Variants in DNAJC24 observed in about 807,000 individuals in gnomAD.
DNAJC24 encodes dnaJ homolog subfamily C member 24.
Under a neutral mutation model 18.0 loss-of-function variants are expected in DNAJC24, and 17 were observed. The ratio of observed to expected loss-of-function variants is 0.94; its 90% CI spans 0.65 to 1.42. The LOEUF (loss-of-function observed/expected upper bound fraction) is 1.42, where lower values mean the gene tolerates loss of function less well. Among genes scored for constraint, DNAJC24 ranks in the 40% most tolerant of loss-of-function variants. The pLI is 0.00. For missense variants in DNAJC24, 158 were observed against 175.6 expected (o/e 0.90, Z 0.57); for synonymous variants, 55 against 57.7 (o/e 0.95, Z 0.21).
intron 2 of DNAJC24, among the ~76,000 whole-genome samples, chr11:31,389,717 T>C (rs1247441725): frequency 6.6e-6 from 1 of 152,230 alleles, no homozygotes; most frequent in African/African-American, 2.4e-5. Flanking sequence ...AATATTCTTC[T>C]CATCAGCACA....
chr11:31,386,233 G>A (rs749592133), intron 2 of DNAJC24, among the ~76,000 whole-genome samples: 1 of 151,838 alleles, frequency 6.6e-6, no homozygotes, highest in Middle Eastern at 3.2e-3. Flanking sequence ...AGTTGACTTG[G>A]GGTCCACGTG....
chr11:31,418,489 T>A lies in DNAJC24; in HGVS notation c.250+3540T>A, dbSNP rs1952772572. The stretch of plus-strand genomic sequence containing the variant: ...CAGATCTCTGATGTCTTAGTGGCTC[T>A]ATACAGTGACACAGCTTATGAGTTA... On this transcript the variant is annotated intron_variant, in intron 3 of 4. Coordinates refer to ENST00000465995, the MANE Select transcript of DNAJC24 (RefSeq NM_181706.5). Among the ~76,000 whole-genome samples the A allele has an allele frequency of 2.0e-5, 3 of 152,232 alleles. No individual in the cohort carries two copies. The South Asian group carries it at 6.2e-4, about 32-fold the overall frequency.
intron 2 of DNAJC24, among the ~76,000 whole-genome samples, chr11:31,411,049 G>T (rs1952704027): frequency 6.6e-6 from 1 of 152,116 alleles, no homozygotes; most frequent in Non-Finnish European, 1.5e-5. Context: ...GGGATTAAAA[G>T]AAATTAAGGG....
intron 2 of DNAJC24, among the ~76,000 whole-genome samples, chr11:31,413,227 A>T (rs891478474): frequency 4.6e-5 from 7 of 152,106 alleles, no homozygotes; most frequent in Non-Finnish European, 7.3e-5. Context: ...AAGAGTAAGA[A>T]ATTAAAAAAA....
chr11:31,419,661 A>G, intron 3 of DNAJC24, among the ~76,000 whole-genome samples: 1 of 151,802 alleles, frequency 6.6e-6, no homozygotes, highest in Non-Finnish European at 1.5e-5. Context: ...TTTTTTTCCA[A>G]CTTTAACCAC....
chr11:31,408,741 A>G (rs903357949), intron 2 of DNAJC24, among the ~76,000 whole-genome samples: 4 of 152,180 alleles, frequency 2.6e-5, no homozygotes, highest in African/African-American at 9.6e-5. Context: ...CTTATTCTCA[A>G]TGAATGATAT....
intron 2 of DNAJC24, among the ~76,000 whole-genome samples, chr11:31,397,515 A>G (rs936102211): frequency 6.7e-6 from 1 of 150,044 alleles, no homozygotes; most frequent in Non-Finnish European, 1.5e-5. Flanking sequence ...ATCTTAATGC[A>G]GTGTCAAAGT....
chr11:31,429,142 T>A (rs1952893327), intron 4 of DNAJC24, among the ~76,000 whole-genome samples: 1 of 152,046 alleles, frequency 6.6e-6, no homozygotes, highest in Admixed American at 6.6e-5. Flanking sequence ...AAGATTAAAT[T>A]ATTTTTCTGT....
At chr11:31,377,825 T>C (rs1423999386) in intron 2 of DNAJC24, among the ~76,000 whole-genome samples, 5 of 152,140 alleles carry the variant, frequency 3.3e-5, no homozygotes. Flanking sequence ...TGGAAAATTA[T>C]ATGCTTCTGT....
At chr11:31,380,094 T>C (rs1952361854) in intron 2 of DNAJC24, among the ~76,000 whole-genome samples, 1 of 152,174 alleles carries the variant, frequency 6.6e-6, no homozygotes, top group Non-Finnish European at 1.5e-5. Context: ...AATAACTTTC[T>C]AATTATCATC....
intron 2 of DNAJC24, among the ~76,000 whole-genome samples, chr11:31,390,853 A>G (rs1329956347): frequency 1.3e-5 from 2 of 152,202 alleles, no homozygotes; most frequent in Non-Finnish European, 2.9e-5. Context: ...AAATACTTCA[A>G]AATTCGTTCT....
chr11:31,403,457 A>G (rs967439041), intron 2 of DNAJC24, among the ~76,000 whole-genome samples: 1 of 152,218 alleles, frequency 6.6e-6, no homozygotes, highest in Non-Finnish European at 1.5e-5. Flanking sequence ...GATTTGGCCT[A>G]GAAAGGCAGG....
intron 3 of DNAJC24, among the ~76,000 whole-genome samples, chr11:31,424,356 A>G (rs145843567): frequency 1.1e-3 from 171 of 152,292 alleles, no homozygotes; most frequent in African/African-American, 4.0e-3. Context: ...TTAAATGCCA[A>G]TTATTACCCC....
chr11:31,397,831 G>A (rs545099000), intron 2 of DNAJC24, among the ~76,000 whole-genome samples: 5 of 149,422 alleles, frequency 3.3e-5, no homozygotes, highest in Admixed American at 6.7e-5. Context: ...ATTTTCCCCC[G>A]AGATGGAGTC....
Position 31,426,232 on chromosome 11 carries a change from G to T in DNAJC24, c.251-55G>T. 4.3e-6 allele frequency: 5 copies of T among 1,164,000 alleles called. No homozygotes were observed. The South Asian group carries it at 6.8e-5, about 16-fold the overall frequency. 72.1% of individuals were successfully genotyped at this position (1,164,000 alleles called of 1,614,324 possible). Reference sequence around the variant, plus strand: ...CGTTGCCTTTTTAGCATTCTTCAAGGTTACAATTAAAGTATCATGTTTTAC... The same window carrying T: ...CGTTGCCTTTTTAGCATTCTTCAAGTTTACAATTAAAGTATCATGTTTTAC... On this transcript the variant is annotated intron_variant, in intron 3 of 4. Coordinates refer to ENST00000465995, the MANE Select transcript of DNAJC24 (RefSeq NM_181706.5).
At chr11:31,422,796 G>GAA (rs552276925) in intron 3 of DNAJC24, among the ~76,000 whole-genome samples, 1 of 150,164 alleles carries the variant, frequency 6.7e-6, no homozygotes, top group African/African-American at 2.4e-5. Flanking sequence ...TGTTTAAAAA[G>GAA]AAAAAAAAAC....
intron 2 of DNAJC24, among the ~76,000 whole-genome samples, chr11:31,378,365 C>T (rs1952339245): frequency 7.9e-6 from 1 of 126,136 alleles, no homozygotes; most frequent in Non-Finnish European, 1.5e-5. Context: ...CATAGGGAGA[C>T]TCTATCATAA....
At chr11:31,380,045 T>G (rs1177038664) in intron 2 of DNAJC24, among the ~76,000 whole-genome samples, 1 of 152,190 alleles carries the variant, frequency 6.6e-6, no homozygotes, top group Non-Finnish European at 1.5e-5. Context: ...GCTGGGATTA[T>G]GGGCATGAGC....
chr11:31,385,710 T>C (rs777382838), intron 2 of DNAJC24, among the ~76,000 whole-genome samples: 32 of 152,160 alleles, frequency 2.1e-4, no homozygotes, highest in Non-Finnish European at 2.5e-4. Flanking sequence ...GAAAAGGTGA[T>C]AGTAATAATG....
Sources: allele counts gnomAD v4.1 joint callset (sites outside exome capture counted in the v4.1 genomes callset), GRCh38; gene constraint gnomAD v4.1.1; transcripts MANE v1.5; gene names NCBI Gene and HGNC (gene_info 2026-07-23, HGNC 2026-07-21).